KATNB1: variants seen among roughly 807,000 people sequenced by gnomAD.
The protein encoded by KATNB1 is katanin regulatory subunit B1.
A neutral mutation model predicts 82.3 loss-of-function variants in KATNB1; 38 were observed. The observed-to-expected ratio is 0.46, with a 90% confidence interval of 0.36 to 0.61. The LOEUF (loss-of-function observed/expected upper bound fraction) is 0.61, where lower values mean the gene tolerates loss of function less well. KATNB1 is among the 20% of genes least tolerant of loss of function. KATNB1 has a pLI of 0.00. For missense variants in KATNB1, 749 were observed against 915.7 expected (o/e 0.82, Z 2.35); for synonymous variants, 361 against 368.7 (o/e 0.98, Z 0.24).
intron 4 of KATNB1, among the ~76,000 whole-genome samples, chr16:57,748,142 C>G (rs1555581924): frequency 6.6e-6 from 1 of 152,192 alleles, no homozygotes; most frequent in Admixed American, 6.5e-5. Context: ...GTAGCAGAGC[C>G]TGGGACTTGA....
rs1555586430 is a variant in KATNB1 at position 57,756,350 on chromosome 16, C to G, written c.1719-6C>G. The stretch of plus-strand genomic sequence containing the variant: ...CATCTGTGACTTCATCCATCTCCCC[C>G]TAAAGCTACGTCCAGACGGGCTGCA... On this transcript the variant is annotated splice_polypyrimidine_tract_variant and splice_region_variant and intron_variant, in intron 18 of 19. Coordinates refer to ENST00000379661, the MANE Select transcript of KATNB1 (RefSeq NM_005886.3). The G allele has an allele frequency of 1.9e-6, 3 of 1,612,296 alleles. No homozygotes were observed. The highest frequency in any genetic ancestry group is 2.2e-5 in the South Asian group (2 of 90,888).
In KATNB1 at chr16:57,755,221, G is replaced by C; in HGVS notation, c.1399G>C (p.Ala467Pro). ...CCGGAACGAGCCCATCGGGCTGAAG[G>C]CCTCCGACTTCCTGCCCGTGAGTAG... ...ATRNEPIGLK[A>P]SDFLPAVKIP... The change falls in exon 15 of 20, where the codon GCC becomes CCC. Residue 467 changes from alanine to proline, a missense_variant. Coordinates refer to ENST00000379661, the MANE Select transcript of KATNB1 (RefSeq NM_005886.3). 1 of 1,611,262 alleles carries C rather than the reference G, an allele frequency of 6.2e-7. No homozygotes were observed. The highest frequency in any genetic ancestry group is 8.5e-7 in the Non-Finnish European group (1 of 1,179,962).
At chr16:57,755,293 G>A (rs779467343) in intron 15 of KATNB1, 52 bp from the exon 16 acceptor site, 204 of 1,610,748 alleles carry the variant, frequency 1.3e-4, no homozygotes, top group Non-Finnish European at 1.5e-4. Context: ...GGAGGGCAGA[G>A]CTTTGCTGCT....
At position 57,753,448 on chromosome 16, in the gene KATNB1, A is replaced by T. The variant is rs200878269; in HGVS notation, c.1106A>T (p.Glu369Val). Residue 369 changes from glutamate (E) to valine (V), a missense_variant, in exon 12 of 20, where the codon GAG becomes GTG. Physicochemically the swap from Glu to Val is moderately radical, Grantham distance 121. Around this residue, in one of 3 missense-constraint regions of KATNB1, gnomAD observed 407 missense variants for 434.7 expected, o/e 0.94. Coordinates refer to ENST00000379661, the MANE Select transcript of KATNB1 (RefSeq NM_005886.3). ...RSPSSEDDRD[E>V]RESRAEIQNA... ...CCCAGCAGCGAGGATGACCGGGACG[A>T]GCGCGAGTCCCGCGCGGAGATCCAG... 2.5e-6 allele frequency: 4 copies of T among 1,605,284 alleles called. No homozygotes were observed. Among genetic ancestry groups the T allele is most frequent in the Non-Finnish European group, 3.4e-6 (4 of 1,175,516 alleles).
rs782711447 is a variant in KATNB1, at chr16:57,756,349, C to A, written c.1719-7C>A. ...CCATCTGTGACTTCATCCATCTCCC[C>A]CTAAAGCTACGTCCAGACGGGCTGC... On this transcript the variant is annotated splice_polypyrimidine_tract_variant and splice_region_variant and intron_variant, in intron 18 of 19. Coordinates refer to ENST00000379661, the MANE Select transcript of KATNB1 (RefSeq NM_005886.3). 1.2e-6 allele frequency: 2 copies of A among 1,612,122 alleles called. No homozygotes were observed. Among genetic ancestry groups the A allele is most frequent in the Admixed American group, 1.7e-5 (1 of 59,766 alleles).
At chr16:57,741,291 T>C (rs1238987501) in intron 2 of KATNB1, among the ~76,000 whole-genome samples, 1 of 152,236 alleles carries the variant, frequency 6.6e-6, no homozygotes, top group Non-Finnish European at 1.5e-5. Context: ...TTTCTTTTTG[T>C]ATCATAGAAA....
intron 4 of KATNB1, among the ~76,000 whole-genome samples, chr16:57,746,878 GCTTTT>G (rs553478315): frequency 4.3e-4 from 65 of 152,114 alleles, no homozygotes; most frequent in Non-Finnish European, 6.2e-4. Flanking sequence ...TTTGCCTGAT[GCTTTT>G]CTTTTCTTTT....
chr16:57,743,824 C>T (rs565001132), intron 3 of KATNB1, among the ~76,000 whole-genome samples: 1 of 152,370 alleles, frequency 6.6e-6, no homozygotes, highest in South Asian at 2.1e-4. Flanking sequence ...TTCTGTTCAA[C>T]ATCCAAAAGA....
In KATNB1 at chr16:57,752,017, C is replaced by T. The variant is rs1483968786; in HGVS notation, c.594C>T (p.His198=). ...GGCCTGTCAACGTGGTCGAGTTTCACCCCAACGAGTACCTCCTGGCCTCCG... is the reference window on the plus strand; with the variant it reads ...GGCCTGTCAACGTGGTCGAGTTTCATCCCAACGAGTACCTCCTGGCCTCCG... ...HTGPVNVVEF[H]PNEYLLASGS... is the part of the protein sequence containing the mutation. Residue 198 remains histidine (H), a synonymous_variant, in exon 8 of 20, where the codon CAC becomes CAT. Transcript: ENST00000379661. The T allele has an allele frequency of 2.5e-6, 4 of 1,613,074 alleles. No individual in the cohort carries two copies. Among genetic ancestry groups the T allele is most frequent in the Non-Finnish European group, 3.4e-6 (4 of 1,179,994 alleles).
In KATNB1 at chr16:57,744,323, A is replaced by C. The variant is rs1415609803; in HGVS notation, c.172-71A>C. 3.0e-6 allele frequency: 4 copies of C among 1,317,302 alleles called. No homozygotes were observed. In the East Asian group the frequency reaches 7.0e-5, roughly 23 times the overall value. 81.6% of individuals were successfully genotyped at this position (1,317,302 alleles called of 1,614,324 possible). On this transcript the variant is annotated intron_variant, in intron 3 of 19. Transcript: ENST00000379661. ...TTTCTTGCTGAAGCCTTTCCGGGGG[A>C]CTTGGAATTCAGGGCGCAACTGCAG... is the stretch of plus-strand genomic sequence containing the variant.
rs1487971744 is a variant in KATNB1 at position 57,737,100 on chromosome 16, G to C, written c.-144G>C. On this transcript the variant is annotated 5_prime_UTR_variant, in exon 2 of 20. Coordinates refer to ENST00000379661, the MANE Select transcript of KATNB1 (RefSeq NM_005886.3). ...GGAACCACGAGGCACCCCAGGGCCA[G>C]AAGACGAGGCATTCTGTCTGCCTGG... The C allele has an allele frequency of 2.9e-6, 3 of 1,026,892 alleles. No homozygotes were observed. Among genetic ancestry groups the C allele is most frequent in the Admixed American group, 2.0e-5 (1 of 50,500 alleles). 63.6% of individuals were successfully genotyped at this position (1,026,892 alleles called of 1,614,324 possible). A position where few individuals can be genotyped will look rare whatever the true frequency, so the allele number is the denominator to read the frequency against.
chr16:57,737,121 C>T lies in KATNB1; in HGVS notation c.-123C>T, dbSNP rs2049106390. 4 of 1,223,208 alleles carry T rather than the reference C, an allele frequency of 3.3e-6. No individual in the cohort carries two copies. Among genetic ancestry groups the T allele is most frequent in the South Asian group, 2.5e-5 (2 of 79,324 alleles). 75.8% of individuals were successfully genotyped at this position (1,223,208 alleles called of 1,614,324 possible). A position where few individuals can be genotyped will look rare whatever the true frequency, so the allele number is the denominator to read the frequency against. On this transcript the variant is annotated 5_prime_UTR_variant, in exon 2 of 20. Transcript: ENST00000379661. ...GCCAGAAGACGAGGCATTCTGTCTG[C>T]CTGGATGTGTGGGAACTCTCTGCCA... is the stretch of plus-strand genomic sequence containing the variant.
chr16:57,741,872 G>A (rs1004231435), intron 3 of KATNB1, 55 bp downstream of exon 3: 22 of 1,563,050 alleles, frequency 1.4e-5, no homozygotes, highest in Non-Finnish European at 1.7e-5. Flanking sequence ...AGGGGACGGG[G>A]ACAGGGGTTG....
chr16:57,746,883 T>G (rs1366022107), intron 4 of KATNB1, among the ~76,000 whole-genome samples: 6 of 151,984 alleles, frequency 3.9e-5, no homozygotes, highest in Non-Finnish European at 4.4e-5. Flanking sequence ...CTGATGCTTT[T>G]CTTTTCTTTT....
At chr16:57,754,239 T>A (rs2967124) in intron 13 of KATNB1, among the ~76,000 whole-genome samples, 1 of 152,094 alleles carries the variant, frequency 6.6e-6, no homozygotes, top group Non-Finnish European at 1.5e-5. Context: ...ACCACCACAC[T>A]GGGGGGCCTG....
Position 57,756,053 on chromosome 16 carries a change from A to G in KATNB1, c.1705A>G (p.Ser569Gly). The change falls in exon 18 of 20, where the codon AGC becomes GGC. Residue 569 changes from serine to glycine, a missense_variant. Physicochemically the swap from Ser to Gly is moderately conservative, Grantham distance 56. Around this residue, in one of 3 missense-constraint regions of KATNB1, gnomAD observed 95 missense variants for 131.6 expected, o/e 0.72. Coordinates refer to ENST00000379661, the MANE Select transcript of KATNB1 (RefSeq NM_005886.3). ...GCCACAGATTGAGAAGCTTCTGCAG[A>G]GCAAGTATGAGAGGTGCGTGTGGGG... is the stretch of plus-strand genomic sequence containing the variant. ...VLPQIEKLLQSKYESYVQTGC... is the reference protein window; with the variant it reads ...VLPQIEKLLQGKYESYVQTGC... The G allele has an allele frequency of 6.2e-7, 1 of 1,608,076 alleles. No individual in the cohort carries two copies. The highest frequency in any genetic ancestry group is 8.5e-7 in the Non-Finnish European group (1 of 1,179,966).
Position 57,756,426 on chromosome 16 carries a change from C to G in KATNB1, c.1789C>G (p.Leu597Val), listed in dbSNP as rs781873816. ...QRFLPLITDM[L>V]AAPPSVGVDI... is the part of the protein sequence containing the mutation. ...GTTTCTGCCCCTCATCACAGACATG[C>G]TGGCGGCCCCACCCTCTGTGGGTGT... Residue 597 changes from leucine to valine, a missense_variant, in exon 19 of 20, where the codon CTG becomes GTG. By Grantham distance (32) the Leu-to-Val change is conservative. Around this residue, in one of 3 missense-constraint regions of KATNB1, gnomAD observed 95 missense variants for 131.6 expected, o/e 0.72. Transcript: ENST00000379661. 1.9e-6 allele frequency: 3 copies of G among 1,613,796 alleles called. No homozygotes were observed. Among genetic ancestry groups the G allele is most frequent in the Admixed American group, 3.3e-5 (2 of 60,002 alleles).
chr16:57,753,151 G>T lies in KATNB1; in HGVS notation c.930G>T (p.Thr310=). 6.2e-7 allele frequency: 1 copy of T among 1,611,262 alleles called. No individual in the cohort carries two copies. Among genetic ancestry groups the T allele is most frequent in the Non-Finnish European group, 8.5e-7 (1 of 1,179,754 alleles). The change falls in exon 11 of 20, where the codon ACG becomes ACT. Residue 310 remains threonine (T), a synonymous_variant. Coordinates refer to ENST00000379661, the MANE Select transcript of KATNB1 (RefSeq NM_005886.3). ...TGACGCGTGTCACCAGGACTGGCAC[G>T]GTGGCCCGGGACCCTGTGCAGGACC... ...VDLTRVTRTG[T]VARDPVQDHR...
rs1440139004 is a variant in KATNB1 at position 57,756,865 on chromosome 16, G to A, written c.1887G>A (p.Leu629=). The change falls in exon 20 of 20, where the codon CTG becomes CTA. Residue 629 remains leucine, a synonymous_variant. Coordinates refer to ENST00000379661, the MANE Select transcript of KATNB1 (RefSeq NM_005886.3). ...CYKQLKSISG[L]VKSKSGLSGR... is the part of the protein sequence containing the mutation. ...AGCAGCTTAAGAGCATCAGCGGCCT[G>A]GTCAAGAGCAAGTCAGGCCTGAGCG... is the stretch of plus-strand genomic sequence containing the variant. The A allele has an allele frequency of 1.3e-6, 2 of 1,570,368 alleles. No individual in the cohort carries two copies. Among genetic ancestry groups the A allele is most frequent in the Admixed American group, 1.9e-5 (1 of 54,012 alleles).
Sources: gnomAD v4.1 joint callset for allele counts (sites outside exome capture counted in the v4.1 genomes callset) on GRCh38, gnomAD v4.1.1 for gene constraint, gnomAD v4.1.1 regional missense constraint, MANE v1.5 for transcripts, NCBI Gene and HGNC (gene_info 2026-07-23, HGNC 2026-07-21) for gene names.